Variants in GRIP1 observed in about 807,000 individuals in gnomAD.
GRIP1 encodes glutamate receptor-interacting protein 1.
GRIP1 carries 45 observed loss-of-function variants against 129.9 expected under a neutral mutation model. That is an observed-to-expected ratio of 0.35 (90% confidence interval 0.27 to 0.44). The LOEUF is 0.44. Ranked by LOEUF, GRIP1 falls within the 20% of genes least tolerant of loss-of-function variation. The pLI is 1.00. For missense variants in GRIP1, 1,196 were observed against 1,396.8 expected (o/e 0.86, Z 2.29); for synonymous variants, 530 against 520.8 (o/e 1.02, Z -0.24).
At chr12:66,397,428 G>A (rs926159000) in intron 16 of GRIP1, among the ~76,000 whole-genome samples, 4 of 151,436 alleles carry the variant, frequency 2.6e-5, no homozygotes, top group African/African-American at 7.3e-5. Flanking sequence ...CAGGAGAATC[G>A]CTTAAACCTG....
chr12:66,618,685 G>C (rs1382307094), intron 1 of GRIP1, among the ~76,000 whole-genome samples: 4 of 152,030 alleles, frequency 2.6e-5, no homozygotes, highest in African/African-American at 9.7e-5. Context: ...AACATTGAAA[G>C]ACATTTTATT....
chr12:66,618,380 A>G (rs983307911), intron 1 of GRIP1, among the ~76,000 whole-genome samples: 2 of 152,268 alleles, frequency 1.3e-5, no homozygotes, highest in Admixed American at 6.5e-5. Flanking sequence ...AAACCAATAA[A>G]AGTGGTTTTC....
At position 66,531,248 on chromosome 12, in the gene GRIP1, AAAAAATATATATATATATATATATATAT is replaced by A. The variant is rs1334129884; in HGVS notation, c.419-1362_419-1335del. Reference sequence around the variant, plus strand: ...GAGACTCTGTCTCAAAAAAAAAAAAAAAAAATATATATATATATATATATATATATATATATATATATATATATATATA... The same window carrying A: ...GAGACTCTGTCTCAAAAAAAAAAAAAATATATATATATATATATATATATA... On this transcript the variant is annotated intron_variant, in intron 4 of 24. Coordinates refer to ENST00000359742, the MANE Select transcript of GRIP1 (RefSeq NM_001366722.1). Among the ~76,000 whole-genome samples the A allele has an allele frequency of 8.5e-3, 472 of 55,640 alleles. 26 individuals are homozygous for A. Among genetic ancestry groups the A allele is most frequent in the African/African-American group, 0.029 (392 of 13,616 alleles). 36.5% of individuals were successfully genotyped at this position (55,640 alleles called of 152,430 possible).
intron 2 of GRIP1, among the ~76,000 whole-genome samples, chr12:66,589,111 A>G (rs1421300954): frequency 3.3e-5 from 5 of 152,162 alleles, no homozygotes; most frequent in Non-Finnish European, 7.3e-5. Flanking sequence ...GATGATATTC[A>G]TAAAAATGGC....
At chr12:66,813,173 G>A (rs1369300068) in intron 1 of GRIP1, among the ~76,000 whole-genome samples, 2 of 152,146 alleles carry the variant, frequency 1.3e-5, no homozygotes, top group Non-Finnish European at 2.9e-5. Context: ...GAAGGCCTCA[G>A]GGAGCTTATG....
At chr12:66,774,163 T>C (rs2037907508) in intron 1 of GRIP1, among the ~76,000 whole-genome samples, 2 of 152,180 alleles carry the variant, frequency 1.3e-5, no homozygotes, top group African/African-American at 4.8e-5. Context: ...GGCCACCATA[T>C]ACTCATTGTG....
chr12:66,848,691 C>T (rs1393149817), intron 1 of GRIP1, among the ~76,000 whole-genome samples: 1 of 152,152 alleles, frequency 6.6e-6, no homozygotes, highest in East Asian at 1.9e-4. Context: ...CAAATTACAA[C>T]TCCCTACTCA....
At chr12:66,492,792 T>C (rs1485369557) in intron 7 of GRIP1, among the ~76,000 whole-genome samples, 1 of 152,050 alleles carries the variant, frequency 6.6e-6, no homozygotes, top group African/African-American at 2.4e-5. Flanking sequence ...AGTGGATCAC[T>C]TGAGGTCAGG....
chr12:66,625,401 G>A (rs966451769), intron 1 of GRIP1, among the ~76,000 whole-genome samples: 4 of 152,036 alleles, frequency 2.6e-5, no homozygotes, highest in Non-Finnish European at 4.4e-5. Flanking sequence ...ATGACCAGTA[G>A]ATCTTATAAC....
intron 7 of GRIP1, among the ~76,000 whole-genome samples, chr12:66,497,251 T>C (rs961937550): frequency 5.3e-5 from 8 of 152,142 alleles, no homozygotes; most frequent in Non-Finnish European, 1.0e-4. Context: ...ATAATTACTA[T>C]GAAGGAAAAG....
chr12:66,395,817 GCT>G (rs2056765268), intron 16 of GRIP1, among the ~76,000 whole-genome samples: 1 of 152,196 alleles, frequency 6.6e-6, no homozygotes, highest in Non-Finnish European at 1.5e-5. Context: ...GCCTAAAACA[GCT>G]CTGTTTGCTG....
chr12:67,059,361 T>C (rs1337778253), intron 1 of GRIP1, among the ~76,000 whole-genome samples: 4 of 152,122 alleles, frequency 2.6e-5, no homozygotes, highest in Admixed American at 2.0e-4. Context: ...AAAGATCAAA[T>C]AGGAAAAGTC....
chr12:66,405,020 G>A (rs561471773), intron 16 of GRIP1, among the ~76,000 whole-genome samples: 1 of 152,084 alleles, frequency 6.6e-6, no homozygotes, highest in Non-Finnish European at 1.5e-5. Flanking sequence ...CTCCAGCCTG[G>A]GTGTGCCACA....
In GRIP1 at chr12:66,767,994, C is replaced by T. The variant is rs1036809255; in HGVS notation, c.-420+36059G>A. ...CTGTCAAATGTGTATATGCTGCAGG[C>T]TTATGAAAGGGAGAATCAATTCACT... On this transcript the variant is annotated intron_variant, in intron 1 of 4. Coordinates refer to the GRIP1 transcript ENST00000538373. Among the ~76,000 whole-genome samples the T allele has an allele frequency of 3.9e-5, 6 of 152,070 alleles. No homozygotes were observed. In the South Asian group the frequency reaches 1.2e-3, roughly 32 times the overall value.
chr12:66,550,344 T>C (rs2062083932), intron 2 of GRIP1, among the ~76,000 whole-genome samples: 1 of 152,216 alleles, frequency 6.6e-6, no homozygotes. Context: ...TTAGCCAAGG[T>C]ATTATTGTTG....
intron 1 of GRIP1, among the ~76,000 whole-genome samples, chr12:66,707,329 C>T (rs954267851): frequency 1.3e-5 from 2 of 151,708 alleles, no homozygotes; most frequent in African/African-American, 4.8e-5. Context: ...ATTATTACTG[C>T]TGATTTACAC....
intron 1 of GRIP1, among the ~76,000 whole-genome samples, chr12:66,894,644 C>T (rs983599243): frequency 3.9e-5 from 6 of 152,066 alleles, no homozygotes; most frequent in African/African-American, 1.4e-4. Flanking sequence ...ATGCCCAGGA[C>T]TGCCAAGGCT....
At chr12:66,722,597 G>T (rs906840950) in intron 1 of GRIP1, among the ~76,000 whole-genome samples, 1 of 152,138 alleles carries the variant, frequency 6.6e-6, no homozygotes, top group Non-Finnish European at 1.5e-5. Flanking sequence ...TTGGAAAAAT[G>T]GTGTTGATAG....
chr12:66,819,452 A>T (rs2039280570), intron 1 of GRIP1, among the ~76,000 whole-genome samples: 1 of 152,230 alleles, frequency 6.6e-6, no homozygotes, highest in Admixed American at 6.5e-5. Context: ...TCATGATACA[A>T]ATACATGAAT....
Sources: allele counts gnomAD v4.1 joint callset (sites outside exome capture counted in the v4.1 genomes callset), GRCh38; gene constraint gnomAD v4.1.1; transcripts MANE v1.5; gene names NCBI Gene and HGNC (gene_info 2026-07-23, HGNC 2026-07-21).